The following PDE1C variants were observed in gnomAD, a reference collection of about 807,000 sequenced individuals.
PDE1C encodes the protein dual specificity calcium/calmodulin-dependent 3',5'-cyclic nucleotide phosphodiesterase 1C.
Under a neutral mutation model 93.1 loss-of-function variants are expected in PDE1C, and 62 were observed. The ratio of observed to expected loss-of-function variants is 0.67; its 90% CI spans 0.54 to 0.82. PDE1C has a LOEUF of 0.82. Ranked by LOEUF, PDE1C falls within the 40% of genes least tolerant of loss-of-function variation. The pLI, the probability that PDE1C is intolerant of heterozygous loss-of-function variation, is 0.00. For synonymous variants in PDE1C, 325 were observed against 310.1 expected (o/e 1.05, Z -0.50); for missense variants, 742 against 884.6 (o/e 0.84, Z 2.04).
At chr7:31,981,772 A>T (rs1488847049) in intron 2 of PDE1C, among the ~76,000 whole-genome samples, 1 of 152,240 alleles carries the variant, frequency 6.6e-6, no homozygotes, top group Non-Finnish European at 1.5e-5. Context: ...AGGAAATAAC[A>T]GAGAAAGTGT....
intron 1 of PDE1C, among the ~76,000 whole-genome samples, chr7:32,218,015 C>T (rs541779055): frequency 2.6e-5 from 4 of 152,262 alleles, no homozygotes; most frequent in Non-Finnish European, 5.9e-5. Flanking sequence ...AGAGGCAGTG[C>T]CCTTCACCTC....
rs549660292 is a variant in PDE1C at position 32,411,458 on chromosome 7, ACTAAACACAG to A, written c.310+16354_310+16363del. Among the ~76,000 whole-genome samples the A allele has an allele frequency of 3.9e-3, 595 of 152,348 alleles. 8 individuals carry two copies. Among genetic ancestry groups the A allele is most frequent in the Non-Finnish European group, 4.1e-3 (278 of 68,044 alleles). ...AATGGCAACATAATGGTATTTGTGA[ACTAAACACAG>A]CTAAACACTTGAAAAAGAAGAGTAC... On this transcript the variant is annotated intron_variant, in intron 1 of 1. Coordinates refer to the PDE1C transcript ENST00000672256.
At chr7:31,856,045 A>G (rs1434456953) in intron 7 of PDE1C, among the ~76,000 whole-genome samples, 1 of 152,196 alleles carries the variant, frequency 6.6e-6, no homozygotes, top group East Asian at 1.9e-4. Flanking sequence ...CACTTAAGTT[A>G]AACAATAATG....
intron 1 of PDE1C, among the ~76,000 whole-genome samples, chr7:32,425,880 T>C (rs1053082343): frequency 6.6e-6 from 1 of 151,974 alleles, no homozygotes; most frequent in African/African-American, 2.4e-5. Context: ...GGTTGAGGCT[T>C]CAGTAAGCTG....
upstream of PDE1C, among the ~76,000 whole-genome samples, chr7:32,299,948 C>T: frequency 6.6e-6 from 1 of 152,172 alleles, no homozygotes; most frequent in East Asian, 1.9e-4. Flanking sequence ...ATTAATTTAG[C>T]CTCATTTTTG....
chr7:31,828,036 T>C (rs1187918471), intron 12 of PDE1C, among the ~76,000 whole-genome samples: 1 of 152,008 alleles, frequency 6.6e-6, no homozygotes, highest in Non-Finnish European at 1.5e-5. Context: ...CCTTGGAAAG[T>C]TGGGGCCCCC....
At chr7:32,002,514 C>T (rs763791881) in intron 2 of PDE1C, among the ~76,000 whole-genome samples, 10 of 152,112 alleles carry the variant, frequency 6.6e-5, no homozygotes, top group African/African-American at 1.2e-4. Context: ...GAGTCCACTT[C>T]GGGGATTAAA....
intron 16 of PDE1C, among the ~76,000 whole-genome samples, chr7:31,792,483 G>T (rs905550041): frequency 1.3e-5 from 2 of 152,006 alleles, no homozygotes; most frequent in Non-Finnish European, 2.9e-5. Flanking sequence ...AAATTTAAAA[G>T]AAAATAATAA....
intron 1 of PDE1C, among the ~76,000 whole-genome samples, chr7:32,273,533 C>T (rs1811099054): frequency 6.6e-6 from 1 of 152,176 alleles, no homozygotes; most frequent in African/African-American, 2.4e-5. Context: ...TTTCAGACCC[C>T]ACTGGACTTC....
intron 2 of PDE1C, among the ~76,000 whole-genome samples, chr7:31,972,175 T>C: frequency 6.6e-6 from 1 of 152,238 alleles, no homozygotes. Context: ...ACTGGTAGTA[T>C]ACAACCACGT....
At chr7:31,622,279 C>T in the PDE1C span, among the ~76,000 whole-genome samples, 6 of 115,680 alleles carry the variant, frequency 5.2e-5, no homozygotes, top group African/African-American at 1.9e-4. Context: ...CAGAACTCTC[C>T]ACCCCAAATC....
chr7:32,290,622 C>G (rs1812274964), intron 1 of PDE1C, among the ~76,000 whole-genome samples: 1 of 152,176 alleles, frequency 6.6e-6, no homozygotes, highest in Non-Finnish European at 1.5e-5. Flanking sequence ...GAGCCCAGGT[C>G]TTCTGTATCA....
chr7:31,704,185 A>G, the PDE1C span, among the ~76,000 whole-genome samples: 2 of 152,220 alleles, frequency 1.3e-5, no homozygotes, highest in Admixed American at 1.3e-4. Flanking sequence ...TCTACACTAG[A>G]AAGGGATCAG....
intron 2 of PDE1C, among the ~76,000 whole-genome samples, chr7:32,019,597 C>A (rs989943111): frequency 6.6e-6 from 1 of 152,092 alleles, no homozygotes; most frequent in Non-Finnish European, 1.5e-5. Flanking sequence ...CAAATGGAAG[C>A]AAATACCTAA....
intron 15 of PDE1C, 111 bp downstream of exon 15, chr7:31,815,813 G>T: frequency 1.2e-6 from 1 of 800,992 alleles, no homozygotes; most frequent in Non-Finnish European, 2.1e-6. Context: ...TGGATGAGCA[G>T]GGAAGCCTTG....
chr7:31,793,233 A>G (rs1444090419), intron 16 of PDE1C, among the ~76,000 whole-genome samples: 1 of 152,094 alleles, frequency 6.6e-6, no homozygotes, highest in African/African-American at 2.4e-5. Context: ...TTGAAGTTCA[A>G]TTTAACATGA....
At chr7:31,643,408 A>G in the PDE1C span, 1 of 1,613,978 alleles carries the variant, frequency 6.2e-7, no homozygotes, top group Middle Eastern at 1.6e-4. Context: ...GGTGAAGTCA[A>G]GGTCTGGTAC....
At chr7:32,137,704 A>G (rs939704654) in intron 3 of PDE1C, among the ~76,000 whole-genome samples, 1 of 152,200 alleles carries the variant, frequency 6.6e-6, no homozygotes, top group African/African-American at 2.4e-5. Context: ...AGTTTTGTCT[A>G]CATCAGTTGA....
At chr7:32,401,473 G>A (rs1032547769) in intron 1 of PDE1C, among the ~76,000 whole-genome samples, 12 of 151,438 alleles carry the variant, frequency 7.9e-5, no homozygotes, top group South Asian at 2.1e-4. Context: ...GGAGGCAGAC[G>A]TTGCAGTGAG....
Sources: allele counts gnomAD v4.1 joint callset (sites outside exome capture counted in the v4.1 genomes callset), GRCh38; gene constraint gnomAD v4.1.1; transcripts MANE v1.5; gene names NCBI Gene and HGNC (gene_info 2026-07-23, HGNC 2026-07-21).